The following KDM4B variants were observed in gnomAD, a reference collection of about 807,000 sequenced individuals.
KDM4B encodes lysine-specific demethylase 4B.
KDM4B carries 32 observed loss-of-function variants against 125.2 expected under a neutral mutation model. That is an observed-to-expected ratio of 0.26 (90% CI 0.19 to 0.34). The LOEUF is 0.34. Among genes scored for constraint, KDM4B ranks in the 10% least tolerant of loss-of-function variants. The pLI, the probability that KDM4B is intolerant of heterozygous loss-of-function variation, is 1.00. For synonymous variants in KDM4B, 721 were observed against 677.9 expected, an observed-to-expected ratio of 1.06 and a Z score of -0.99; for missense variants, 1,190 against 1,577.7, an observed-to-expected ratio of 0.75 and a Z score of 4.16.
At chr19:4,972,028 C>G (rs907093539) in intron 1 of KDM4B, among the ~76,000 whole-genome samples, 3 of 152,230 alleles carry the variant, frequency 2.0e-5, no homozygotes, top group Non-Finnish European at 4.4e-5. Flanking sequence ...TCACCCTAGG[C>G]TCCTGGCTCA....
chr19:4,991,309 T>C (rs2035025268), intron 1 of KDM4B, among the ~76,000 whole-genome samples: 1 of 151,682 alleles, frequency 6.6e-6, no homozygotes, highest in African/African-American at 2.4e-5. Flanking sequence ...TTTGTTAACT[T>C]TTAATTTTTA....
chr19:5,144,877 C>T lies in KDM4B; in HGVS notation c.2996C>T (p.Ser999Phe), dbSNP rs754654270. 1.9e-6 allele frequency: 3 copies of T among 1,612,888 alleles called. No homozygotes were observed. Among genetic ancestry groups the T allele is most frequent in the Non-Finnish European group, 2.5e-6 (3 of 1,179,718 alleles). ...DGNLYKAKFI[S>F]SVTSHIYQVE... is the part of the protein sequence containing the mutation. ...AACCTCTACAAGGCCAAGTTCATCTCCTCCGTCACCAGCCACATCTACCAG... is the reference window on the plus strand; with the variant it reads ...AACCTCTACAAGGCCAAGTTCATCTTCTCCGTCACCAGCCACATCTACCAG... The change falls in exon 21 of 23, where the codon TCC (serine) becomes TTC (phenylalanine). Residue 999 changes from serine (S) to phenylalanine (F), a missense_variant. Physicochemically the swap from Ser to Phe is radical, Grantham distance 155. This residue lies in a region of KDM4B where 298 missense variants were observed against 439.7 expected (regional missense o/e 0.68). Coordinates refer to ENST00000159111, the MANE Select transcript of KDM4B (RefSeq NM_015015.3).
chr19:5,119,153 A>G (rs1226435856), intron 10 of KDM4B: 3 of 1,535,122 alleles, frequency 2.0e-6, no homozygotes, highest in Non-Finnish European at 2.6e-6. Flanking sequence ...CACTGGAGAA[A>G]GACTGAGGAG....
chr19:5,150,982 C>T (rs938923176), intron 22 of KDM4B, among the ~76,000 whole-genome samples: 21 of 152,298 alleles, frequency 1.4e-4, no homozygotes, highest in African/African-American at 4.8e-4. Context: ...AATCGAGAGG[C>T]GAGAGGCGAG....
chr19:5,035,215 G>A lies in KDM4B; in HGVS notation c.141+2184G>A, dbSNP rs1159740765. On this transcript the variant is annotated intron_variant, in intron 3 of 22. Transcript: ENST00000159111. The surrounding 1 kb of genome is among the most constrained non-coding windows in gnomAD (Gnocchi z 5.3). ...CCTCTCCCTGGTGCACATAGGGCAG[G>A]TGGGACAGGCGTCGCCTCCCTTTAT... 1.3e-5 allele frequency among the ~76,000 whole-genome samples: 2 copies of A among 152,128 alleles called. No individual in the cohort carries two copies. The highest frequency in any genetic ancestry group is 3.9e-4 in the East Asian group (2 of 5,184).
Position 5,035,808 on chromosome 19 carries a change from C to T in KDM4B, c.141+2777C>T, listed in dbSNP as rs1239049750. On this transcript the variant is annotated intron_variant, in intron 3 of 22. Transcript: ENST00000159111. This position sits in a 1 kb window ranked among gnomAD's most constrained non-coding sequence, Gnocchi z 5.3. Reference sequence around the variant, plus strand: ...TCTCAAACCCGTGGAGGGGGCTGGGCAGTAGGGGGCCGTCCGGGTCCCATG... The same window carrying T: ...TCTCAAACCCGTGGAGGGGGCTGGGTAGTAGGGGGCCGTCCGGGTCCCATG... 1.3e-5 allele frequency among the ~76,000 whole-genome samples: 2 copies of T among 151,998 alleles called. No homozygotes were observed. Among genetic ancestry groups the T allele is most frequent in the East Asian group, 3.9e-4 (2 of 5,164 alleles).
chr19:5,148,638 G>A (rs10404639), intron 21 of KDM4B, among the ~76,000 whole-genome samples: 3,105 of 152,088 alleles, frequency 0.02, 122 homozygotes, highest in African/African-American at 0.071. Flanking sequence ...TCTAAAACCC[G>A]CTGCTGCCCG....
In KDM4B at chr19:5,151,534, C is replaced by A. The variant is rs1428636611; in HGVS notation, c.*23C>A. 1.2e-5 allele frequency: 16 copies of A among 1,333,866 alleles called. No homozygotes were observed. The highest frequency in any genetic ancestry group is 1.4e-5 in the Non-Finnish European group (15 of 1,037,790). 82.6% of individuals were successfully genotyped at this position (1,333,866 alleles called of 1,614,324 possible). On this transcript the variant is annotated 3_prime_UTR_variant, in exon 23 of 23. Transcript: ENST00000159111. ...TAGGACAGCTGGCCGCTCAGGCGAC[C>A]CTCAGCCCGGCGGGGAGGCCATGGC...
At chr19:5,030,778 C>T (rs192106382) in intron 2 of KDM4B, among the ~76,000 whole-genome samples, 52 of 152,380 alleles carry the variant, frequency 3.4e-4, no homozygotes, top group Non-Finnish European at 6.3e-4. Context: ...TCGACCATGT[C>T]ATCATCTGTG....
chr19:5,108,566 TGTGA>T (rs2039080029), intron 9 of KDM4B, among the ~76,000 whole-genome samples: 3 of 152,146 alleles, frequency 2.0e-5, no homozygotes, highest in Non-Finnish European at 2.9e-5. Flanking sequence ...GTCGTAAATA[TGTGA>T]GTGTCTCCAA....
At chr19:5,134,467 G>C (rs554994088) in intron 14 of KDM4B, among the ~76,000 whole-genome samples, 11 of 152,184 alleles carry the variant, frequency 7.2e-5, no homozygotes, top group Non-Finnish European at 1.5e-4. Flanking sequence ...TGGGCACCTG[G>C]CTAAGGTCCT....
intron 7 of KDM4B, chr19:5,076,045 T>C: frequency 5.8e-6 from 1 of 171,866 alleles, no homozygotes; most frequent in Non-Finnish European, 1.3e-5. Flanking sequence ...CCACACTGCG[T>C]CCTTTCCCCA....
chr19:5,084,349 GTAA>G (rs1568285402), intron 9 of KDM4B, among the ~76,000 whole-genome samples: 1 of 141,568 alleles, frequency 7.1e-6, no homozygotes, highest in African/African-American at 2.6e-5. Context: ...TATATTGTAT[GTAA>G]TTTATATATT....
At chr19:5,055,925 G>C (rs1053857611) in intron 6 of KDM4B, among the ~76,000 whole-genome samples, 1 of 152,060 alleles carries the variant, frequency 6.6e-6, no homozygotes, top group Non-Finnish European at 1.5e-5. Context: ...ATCATTGATG[G>C]GCCAACACTG....
At chr19:5,041,353 CA>C in intron 5 of KDM4B, 102 bp downstream of exon 5, 1 of 855,154 alleles carries the variant, frequency 1.2e-6, no homozygotes, top group Non-Finnish European at 1.9e-6. Flanking sequence ...AGCTTCCAGG[CA>C]GGCAAGGTTA....
At chr19:5,109,311 C>T (rs1449369491) in intron 9 of KDM4B, among the ~76,000 whole-genome samples, 1 of 152,176 alleles carries the variant, frequency 6.6e-6, no homozygotes, top group Non-Finnish European at 1.5e-5. Flanking sequence ...TGGTGGTAAT[C>T]GCCGCTTGGG....
intron 3 of KDM4B, among the ~76,000 whole-genome samples, chr19:5,034,863 G>GGCTGGGGT (rs889823722): frequency 2.6e-5 from 4 of 152,218 alleles, no homozygotes; most frequent in Admixed American, 6.5e-5. Flanking sequence ...CTGTCGCCCA[G>GGCTGGGGT]GCTGGGGTGC....
intron 3 of KDM4B, among the ~76,000 whole-genome samples, chr19:5,034,080 G>A (rs1599462601): frequency 6.6e-6 from 1 of 152,226 alleles, no homozygotes; most frequent in African/African-American, 2.4e-5. Flanking sequence ...GCTGCAGTGA[G>A]CTGAGATTGC....
In KDM4B at chr19:5,131,916, G is replaced by A. The variant is rs759170615; in HGVS notation, c.1815G>A (p.Met605Ile). The A allele has an allele frequency of 5.1e-5, 83 of 1,612,706 alleles. No homozygotes were observed. Among genetic ancestry groups the A allele is most frequent in the Non-Finnish European group, 6.9e-5 (82 of 1,179,892 alleles). The change falls in exon 13 of 23, where the codon ATG becomes ATA. Residue 605 changes from methionine to isoleucine, a missense_variant. By Grantham distance (10) the Met-to-Ile change is conservative (BLOSUM62 1). Around this residue, in one of 7 missense-constraint regions of KDM4B, gnomAD observed 428 missense variants for 405.1 expected, o/e 1.06. Coordinates refer to ENST00000159111, the MANE Select transcript of KDM4B (RefSeq NM_015015.3). ...QAPSTFSKLKMEIKKSRRHPL... is the reference protein window; with the variant it reads ...QAPSTFSKLKIEIKKSRRHPL... ...CGTCCACATTTTCCAAATTGAAGAT[G>A]GAGATCAAGAAGAGCCGGCGCCATC...
Sources: gnomAD v4.1 joint callset for allele counts (sites outside exome capture counted in the v4.1 genomes callset) on GRCh38, gnomAD v4.1.1 for gene constraint, gnomAD v4.1.1 regional missense constraint, Gnocchi (gnomAD v3.1) non-coding constraint, MANE v1.5 for transcripts, NCBI Gene and HGNC (gene_info 2026-07-23, HGNC 2026-07-21) for gene names.